Variants in PCSK4 observed in about 807,000 individuals in gnomAD.
The protein encoded by PCSK4 is testicular tissue protein Li 135.
Under a neutral mutation model 80.3 loss-of-function variants are expected in PCSK4, and 64 were observed. That is an observed-to-expected ratio of 0.80 (90% CI 0.65 to 0.98). The LOEUF is 0.98. Ranked by LOEUF, PCSK4 falls within the 50% of genes least tolerant of loss-of-function variation. The pLI is 0.00. For synonymous variants in PCSK4, 561 were observed against 487.6 expected, an observed-to-expected ratio of 1.15 and a Z score of -1.98; for missense variants, 1,213 against 1,093.6, an observed-to-expected ratio of 1.11 and a Z score of -1.54.
At chr19:1,487,432 G>A in intron 6 of PCSK4, 119 bp from the exon 7 acceptor site, 3 of 1,013,760 alleles carry the variant, frequency 3.0e-6, no homozygotes, top group South Asian at 1.6e-5. Flanking sequence ...TCTGCTCCCT[G>A]GAGTGGGACC....
exon 11 of PCSK4, chr19:1,483,655 G>T: frequency 6.3e-7 from 1 of 1,587,690 alleles, no homozygotes. Flanking sequence ...CTCACGTGGG[G>T]CGGCTCTGGA....
chr19:1,481,913 C>A, exon 15 of PCSK4: 1 of 1,595,332 alleles, frequency 6.3e-7, no homozygotes, highest in Non-Finnish European at 8.5e-7. Context: ...CGAGGCTGGG[C>A]AGCGGTGGTG....
chr19:1,482,638 C>T (rs969805073), intron 13 of PCSK4, 163 bp from the exon 14 acceptor site: 44 of 911,778 alleles, frequency 4.8e-5, no homozygotes, highest in Non-Finnish European at 6.5e-5. Flanking sequence ...CACTGGACAC[C>T]GACATCTCCC....
intron 12 of PCSK4, 112 bp from the exon 13 acceptor site, chr19:1,483,132 G>T: frequency 8.0e-7 from 1 of 1,257,354 alleles, no homozygotes; most frequent in Non-Finnish European, 1.1e-6. Context: ...GTGTCCTCTG[G>T]GTGTGGGTGA....
chr19:1,481,739 C>T, exon 15 of PCSK4: 1 of 1,483,296 alleles, frequency 6.7e-7, no homozygotes, highest in Non-Finnish European at 9.0e-7. Context: ...GGGGCAAGGT[C>T]GCTTTCTGAG....
chr19:1,486,732 T>C, intron 8 of PCSK4, 121 bp downstream of exon 8: 1 of 846,484 alleles, frequency 1.2e-6, no homozygotes, highest in Non-Finnish European at 1.9e-6. Flanking sequence ...GTGCTCGGCC[T>C]GGATTTGCAT....
At chr19:1,485,154 A>T (rs998425947) in intron 8 of PCSK4, among the ~76,000 whole-genome samples, 31 of 151,862 alleles carry the variant, frequency 2.0e-4, no homozygotes, top group African/African-American at 7.0e-4. Context: ...TCTCAAAAAA[A>T]TTTAAAAAAA....
In PCSK4 at chr19:1,487,775, C is replaced by T. The variant is rs2084712705; in HGVS notation, c.593+10G>A. On this transcript the variant is annotated intron_variant, in intron 5 of 14. Coordinates refer to ENST00000300954, the Ensembl canonical transcript of PCSK4. ...GGGCTTCCCCCGTGTGCTGTGGGAG[C>T]CCTGCTCACCGGTTCTCTTTGCTGG... 1.3e-6 allele frequency: 2 copies of T among 1,567,514 alleles called. No individual in the cohort carries two copies. Among genetic ancestry groups the T allele is most frequent in the Non-Finnish European group, 1.7e-6 (2 of 1,155,262 alleles).
Position 1,487,312 on chromosome 19 carries a change from GC to G in PCSK4, c.683del (p.Gly228AlafsTer18). ...TGATGGTACCGTCCAGCATCCGTAC[GC>G]CTGCAGAGCCAGGGCGGGAGGGCCG... On this transcript the variant is annotated frameshift_variant and splice_region_variant, in exon 7 of 15. Coordinates refer to ENST00000300954, the Ensembl canonical transcript of PCSK4. LOFTEE classifies it high-confidence loss of function. 6.3e-7 allele frequency: 1 copy of G among 1,585,116 alleles called. No homozygotes were observed. The highest frequency in any genetic ancestry group is 2.2e-5 in the East Asian group (1 of 44,472).
intron 4 of PCSK4, 23 bp downstream of exon 4, chr19:1,487,941 C>T: frequency 4.4e-6 from 7 of 1,598,252 alleles, no homozygotes; most frequent in South Asian, 1.1e-5. Flanking sequence ...GCAGCCCTCG[C>T]CCACAGCCAC....
chr19:1,484,001 G>A (rs1391689788), intron 9 of PCSK4, 26 bp downstream of exon 9: 1 of 1,509,250 alleles, frequency 6.6e-7, no homozygotes, highest in Admixed American at 2.0e-5. Flanking sequence ...GGCGAGGGCG[G>A]TGGACCGGGC....
chr19:1,487,813 G>T, exon 5 of PCSK4: 1 of 1,579,286 alleles, frequency 6.3e-7, no homozygotes, highest in Non-Finnish European at 8.6e-7. Flanking sequence ...GTGTAGCGGG[G>T]CTGGGGGTCC....
intron 11 of PCSK4, 52 bp downstream of exon 11, chr19:1,483,598 C>T (rs981241258): frequency 6.7e-7 from 1 of 1,485,184 alleles, no homozygotes; most frequent in Non-Finnish European, 9.1e-7. Context: ...GGCCTCAGGC[C>T]TGTCCCCCAC....
At chr19:1,486,754 C>T (rs2084638360) in intron 8 of PCSK4, 99 bp downstream of exon 8, 2 of 1,052,048 alleles carry the variant, frequency 1.9e-6, no homozygotes, top group Admixed American at 2.1e-5. Context: ...TTCAAAGCAG[C>T]TTTGGGAGGG....
At chr19:1,489,624 C>G (rs756278603) in intron 2 of PCSK4, 169 bp downstream of exon 2, 1 of 1,239,538 alleles carries the variant, frequency 8.1e-7, no homozygotes, top group Non-Finnish European at 1.1e-6. Flanking sequence ...ATTTCCGTAT[C>G]TGGGTCTTCC....
Position 1,490,269 on chromosome 19 carries a change from C to T in PCSK4, c.78G>A (p.Trp26Ter). 5 of 1,604,994 alleles carry T rather than the reference C, an allele frequency of 3.1e-6. No homozygotes were observed. The highest frequency in any genetic ancestry group is 4.3e-6 in the Non-Finnish European group (5 of 1,176,168). The change falls in exon 1 of 15, where the codon TGG becomes TGA. Residue 26 changes from tryptophan (W) to a stop codon, truncating the protein, a stop_gained. Coordinates refer to ENST00000300954, the Ensembl canonical transcript of PCSK4. LOFTEE classifies it high-confidence loss of function. ...CATAGATGGGGGCTCGGACCGGGGC[C>T]CACCCCACAGCCCGGGGGCGGACAA... is the stretch of plus-strand genomic sequence containing the variant.
intron 14 of PCSK4, 38 bp downstream of exon 14, chr19:1,482,315 C>A (rs1236436248): frequency 6.5e-7 from 1 of 1,534,008 alleles, no homozygotes; most frequent in African/African-American, 1.4e-5. Flanking sequence ...TGGCCGCCAC[C>A]GCCTCCCAGC....
intron 8 of PCSK4, among the ~76,000 whole-genome samples, chr19:1,484,772 C>T (rs1313539130): frequency 2.6e-5 from 4 of 151,796 alleles, no homozygotes; most frequent in South Asian, 2.1e-4. Context: ...AAGATCACAC[C>T]GTTGCACTCC....
chr19:1,487,180 G>T, exon 7 of PCSK4: 1 of 1,607,742 alleles, frequency 6.2e-7, no homozygotes. Flanking sequence ...GGGTGAGGAT[G>T]CCGGGGCCGT....
Sources: allele counts gnomAD v4.1 joint callset (sites outside exome capture counted in the v4.1 genomes callset), GRCh38; gene constraint gnomAD v4.1.1; transcripts MANE v1.5; gene names NCBI Gene and HGNC (gene_info 2026-07-23, HGNC 2026-07-21).